The following MGAT4C variants were observed in gnomAD, a reference collection of about 807,000 sequenced individuals.
The protein encoded by MGAT4C is MGAT4 family member C.
Under a neutral mutation model 40.1 loss-of-function variants are expected in MGAT4C, and 19 were observed. That is an observed-to-expected ratio of 0.47 (90% CI 0.33 to 0.70). The LOEUF (loss-of-function observed/expected upper bound fraction) is 0.70. MGAT4C is among the 30% of genes least tolerant of loss of function. MGAT4C has a pLI of 0.02. For missense variants in MGAT4C, 491 were observed against 563.2 expected (o/e 0.87, Z 1.30); for synonymous variants, 181 against 187.1 (o/e 0.97, Z 0.27).
chr12:86,301,086 A>G (rs748700093), intron 4 of MGAT4C, among the ~76,000 whole-genome samples: 20 of 152,274 alleles, frequency 1.3e-4, no homozygotes, highest in Non-Finnish European at 2.5e-4. Context: ...ACCCTTTACA[A>G]TTTATCAAGT....
chr12:86,153,037 A>G (rs1884490405), intron 1 of MGAT4C, among the ~76,000 whole-genome samples: 1 of 152,126 alleles, frequency 6.6e-6, no homozygotes. Flanking sequence ...TTTCCACTTC[A>G]CAGATCCCAA....
intron 3 of MGAT4C, among the ~76,000 whole-genome samples, chr12:86,374,088 C>T (rs1955775897): frequency 6.6e-6 from 1 of 151,834 alleles, no homozygotes; most frequent in African/African-American, 2.4e-5. Flanking sequence ...GTTATTTAGC[C>T]TATCTAATGG....
intron 2 of MGAT4C, among the ~76,000 whole-genome samples, chr12:86,631,150 C>A (rs1273922452): frequency 6.6e-6 from 1 of 152,134 alleles, no homozygotes; most frequent in Non-Finnish European, 1.5e-5. Flanking sequence ...AACTCCCATT[C>A]ACAATTGCTA....
rs2136634371 is a variant in MGAT4C, at chr12:85,956,827, T to C, written c.*22462A>G. 1 of 152,308 alleles carries C rather than the reference T, an allele frequency of 6.6e-6. No individual in the cohort carries two copies. Among genetic ancestry groups the C allele is most frequent in the East Asian group, 1.9e-4 (1 of 5,176 alleles). 9.4% of individuals were successfully genotyped at this position (152,308 alleles called of 1,614,324 possible). ...GAAGGTGACTCTGAATCAACAGAAT[T>C]TTATTTTTCTTTTACCGTGGCCCAA... is the stretch of plus-strand genomic sequence containing the variant. On this transcript the variant is annotated 3_prime_UTR_variant, in exon 5 of 5. Coordinates refer to ENST00000611864, the MANE Select transcript of MGAT4C (RefSeq NM_001351288.2).
intron 1 of MGAT4C, among the ~76,000 whole-genome samples, chr12:86,241,596 C>T (rs1340512176): frequency 2.0e-5 from 3 of 152,074 alleles, no homozygotes; most frequent in Non-Finnish European, 4.4e-5. Flanking sequence ...GTCATGACAC[C>T]ATTCTTGAAA....
chr12:86,808,553 A>C (rs9988955), intron 1 of MGAT4C, among the ~76,000 whole-genome samples: 1 of 151,748 alleles, frequency 6.6e-6, no homozygotes, highest in Non-Finnish European at 1.5e-5. Context: ...ATTAGATGCA[A>C]AAAAGGACTT....
chr12:86,307,233 CATA>C lies in MGAT4C; in HGVS notation c.-57+26829_-57+26831del, dbSNP rs1221928693. Among the ~76,000 whole-genome samples the C allele has an allele frequency of 2.7e-5, 4 of 150,536 alleles. 1 individual carries two copies. In the East Asian group the frequency reaches 5.8e-4, roughly 22 times the overall value. On this transcript the variant is annotated intron_variant, in intron 4 of 7. Transcript: ENST00000548651. ...TATAATAACTGTATTAGATTTGTCT[CATA>C]ATAATTATGAGAAATTATCTTTATA...
chr12:86,731,059 G>C (rs1408170922), intron 1 of MGAT4C, among the ~76,000 whole-genome samples: 1 of 152,088 alleles, frequency 6.6e-6, no homozygotes, highest in Non-Finnish European at 1.5e-5. Flanking sequence ...TCTGATTCCA[G>C]TGGCTGTTCT....
At chr12:86,197,555 G>C (rs1949862781) in intron 1 of MGAT4C, among the ~76,000 whole-genome samples, 2 of 152,126 alleles carry the variant, frequency 1.3e-5, no homozygotes, top group South Asian at 4.1e-4. Context: ...AGTCCGCAGA[G>C]AGCACTCATC....
intron 4 of MGAT4C, among the ~76,000 whole-genome samples, chr12:86,274,639 C>T (rs1953024955): frequency 1.3e-5 from 2 of 152,030 alleles, no homozygotes; most frequent in Admixed American, 1.3e-4. Context: ...TGGAATGTTC[C>T]ATAATTAAGT....
intron 1 of MGAT4C, among the ~76,000 whole-genome samples, chr12:86,775,642 T>C (rs1419357018): frequency 1.3e-5 from 2 of 151,248 alleles, no homozygotes; most frequent in African/African-American, 4.8e-5. Flanking sequence ...ACTTAACATT[T>C]TTGAAGGGGG....
chr12:86,038,387 G>A (rs1269574167), intron 2 of MGAT4C, among the ~76,000 whole-genome samples: 1 of 149,336 alleles, frequency 6.7e-6, no homozygotes, highest in African/African-American at 2.4e-5. Flanking sequence ...AAGTCTCTTT[G>A]TAGGTCTCTA....
intron 1 of MGAT4C, among the ~76,000 whole-genome samples, chr12:86,810,754 A>C (rs1365927370): frequency 6.6e-6 from 1 of 151,576 alleles, no homozygotes; most frequent in African/African-American, 2.4e-5. Flanking sequence ...CTTATATATC[A>C]ACTTTTTTGC....
At chr12:86,107,871 T>G (rs1043174835) in intron 1 of MGAT4C, among the ~76,000 whole-genome samples, 2 of 152,108 alleles carry the variant, frequency 1.3e-5, no homozygotes, top group Non-Finnish European at 2.9e-5. Flanking sequence ...TTAAGTGTCT[T>G]TGGATTTTGG....
intron 3 of MGAT4C, among the ~76,000 whole-genome samples, chr12:86,361,491 C>A (rs142150155): frequency 0.085 from 12,906 of 152,202 alleles, 763 homozygotes; most frequent in Middle Eastern, 0.22. Context: ...CAAATGGGAT[C>A]TAATTAAACT....
At position 86,035,215 on chromosome 12, in the gene MGAT4C, A is replaced by G. The variant is rs1036724853; in HGVS notation, c.-7+14459T>C. Among the ~76,000 whole-genome samples the G allele has an allele frequency of 5.3e-5, 8 of 149,980 alleles. 1 individual carries two copies. The highest frequency in any genetic ancestry group is 1.0e-4 in the Non-Finnish European group (7 of 66,824). On this transcript the variant is annotated intron_variant, in intron 2 of 4. Transcript: ENST00000611864. ...AGTGTAAAAGCATTTCTATTTTTCCACAACCTCTCCAGCATCTGTTGTTTC... is the reference window on the plus strand; with the variant it reads ...AGTGTAAAAGCATTTCTATTTTTCCGCAACCTCTCCAGCATCTGTTGTTTC...
chr12:86,254,230 A>T (rs1310897316), intron 1 of MGAT4C, among the ~76,000 whole-genome samples: 1 of 151,974 alleles, frequency 6.6e-6, no homozygotes, highest in Non-Finnish European at 1.5e-5. Context: ...ATAATAATAA[A>T]AAACTTTTTG....
intron 3 of MGAT4C, among the ~76,000 whole-genome samples, chr12:86,344,401 T>C (rs1249283152): frequency 6.6e-6 from 1 of 152,214 alleles, no homozygotes; most frequent in Non-Finnish European, 1.5e-5. Context: ...TTTTTATTCC[T>C]TGACAGTTTT....
intron 2 of MGAT4C, among the ~76,000 whole-genome samples, chr12:86,538,308 A>G (rs1045001620): frequency 6.6e-6 from 1 of 152,132 alleles, no homozygotes; most frequent in Non-Finnish European, 1.5e-5. Context: ...AAGCATTTTG[A>G]GAAACATTAT....
Sources: allele counts gnomAD v4.1 joint callset (sites outside exome capture counted in the v4.1 genomes callset), GRCh38; gene constraint gnomAD v4.1.1; transcripts MANE v1.5; gene names NCBI Gene and HGNC (gene_info 2026-07-23, HGNC 2026-07-21).